The following CHSY3 variants were observed in gnomAD, a reference collection of about 807,000 sequenced individuals.
CHSY3 encodes the protein N-acetylgalactosaminyl-proteoglycan 3-beta-glucuronosyltransferase 3.
A neutral mutation model predicts 67.2 loss-of-function variants in CHSY3; 35 were observed. The observed-to-expected ratio is 0.52, with a 90% confidence interval of 0.40 to 0.69. The LOEUF (loss-of-function observed/expected upper bound fraction) is 0.69. Among genes scored for constraint, CHSY3 ranks in the 30% least tolerant of loss-of-function variants. The pLI is 0.00. For synonymous variants in CHSY3, 474 were observed against 434.7 expected, an observed-to-expected ratio of 1.09 and a Z score of -1.12; for missense variants, 1,069 against 1,138.5, an observed-to-expected ratio of 0.94 and a Z score of 0.88.
rs999081268 is a variant in CHSY3 at position 130,184,246 on chromosome 5, T to C, written c.1104T>C (p.His368=). Reference sequence around the variant, plus strand: ...CTTTTCAGATGCAACAACTGTTCCATGAAAATTATGAACACAATCGGAAGG... The same window carrying C: ...CTTTTCAGATGCAACAACTGTTCCACGAAAATTATGAACACAATCGGAAGG... ...VWSYEMQQLF[H]ENYEHNRKGY... Residue 368 remains histidine (H), a synonymous_variant, in exon 3 of 3, where the codon CAT becomes CAC. Transcript: ENST00000305031. 2 of 1,543,388 alleles carry C rather than the reference T, an allele frequency of 1.3e-6. No homozygotes were observed. The highest frequency in any genetic ancestry group is 1.7e-6 in the Non-Finnish European group (2 of 1,143,428).
rs569778990 is a variant in CHSY3 at position 130,099,668 on chromosome 5, TA to T, written c.1087-84560del. Among the ~76,000 whole-genome samples, 8 of 152,356 alleles carry T rather than the reference TA, an allele frequency of 5.3e-5. No homozygotes were observed. In the East Asian group the frequency reaches 1.5e-3, roughly 29 times the overall value. ...TTTTGCACTGGTGTGAGGAGCTATC[TA>T]CTCTTATAATTGCATTTGTGAATAC... On this transcript the variant is annotated intron_variant, in intron 2 of 2. Transcript: ENST00000305031.
At chr5:130,092,507 C>T (rs1333320321) in intron 2 of CHSY3, among the ~76,000 whole-genome samples, 1 of 152,062 alleles carries the variant, frequency 6.6e-6, no homozygotes, top group Non-Finnish European at 1.5e-5. Context: ...TTCCACTAAC[C>T]CTAAAATTAA....
intron 2 of CHSY3, among the ~76,000 whole-genome samples, chr5:130,071,559 G>GTT (rs1766069757): frequency 1.3e-5 from 2 of 151,720 alleles, no homozygotes; most frequent in Admixed American, 1.3e-4. Flanking sequence ...GTGTGTGTGT[G>GTT]TGTGTGTGTG....
At chr5:130,061,991 T>C (rs1398250047) in intron 2 of CHSY3, among the ~76,000 whole-genome samples, 1 of 151,814 alleles carries the variant, frequency 6.6e-6, no homozygotes. Context: ...GAAAACAATA[T>C]GAAGATTTAT....
At chr5:129,927,811 T>A (rs1424399030) in intron 2 of CHSY3, among the ~76,000 whole-genome samples, 4 of 152,194 alleles carry the variant, frequency 2.6e-5, no homozygotes, top group African/African-American at 9.6e-5. Context: ...AACATTTTTT[T>A]AAAGGATTGG....
chr5:130,093,879 A>T (rs1249849957), intron 2 of CHSY3, among the ~76,000 whole-genome samples: 1 of 151,972 alleles, frequency 6.6e-6, no homozygotes, highest in Non-Finnish European at 1.5e-5. Context: ...ACAGATTTTA[A>T]TTTTTTTCTG....
At chr5:130,051,917 G>T (rs1765370111) in intron 2 of CHSY3, among the ~76,000 whole-genome samples, 1 of 147,478 alleles carries the variant, frequency 6.8e-6, no homozygotes, top group South Asian at 2.2e-4. Flanking sequence ...AATTGGGAAT[G>T]ACAACTGTGT....
At chr5:130,016,960 G>C (rs1207514120) in intron 2 of CHSY3, among the ~76,000 whole-genome samples, 1 of 152,060 alleles carries the variant, frequency 6.6e-6, no homozygotes, top group African/African-American at 2.4e-5. Flanking sequence ...GTCTTGATAG[G>C]GGTATGGTAT....
chr5:129,972,221 A>C (rs1047548422), intron 2 of CHSY3, among the ~76,000 whole-genome samples: 2 of 152,052 alleles, frequency 1.3e-5, no homozygotes, highest in Non-Finnish European at 1.5e-5. Context: ...CCCAAGTTTA[A>C]GAACATTACA....
At chr5:129,910,030 A>T (rs1172850394) in intron 2 of CHSY3, among the ~76,000 whole-genome samples, 1 of 152,000 alleles carries the variant, frequency 6.6e-6, no homozygotes, top group Non-Finnish European at 1.5e-5. Context: ...CCATTCATTC[A>T]TGTTCAAGAC....
At chr5:130,029,692 G>T (rs1283735680) in intron 2 of CHSY3, among the ~76,000 whole-genome samples, 1 of 151,862 alleles carries the variant, frequency 6.6e-6, no homozygotes, top group African/African-American at 2.4e-5. Context: ...ATAAAACTTT[G>T]TGAGGTTTTC....
In CHSY3 at chr5:130,184,780, A is replaced by G. The variant is rs2149739093; in HGVS notation, c.1638A>G (p.Lys546=). ...TTTTGGATTTACTCCTTTTATACAA[A>G]AGACACAAGGGAAGGAAACTGACTG... ...EYILDLLLLY[K]RHKGRKLTVP... The change falls in exon 3 of 3, where the codon AAA becomes AAG. Residue 546 remains lysine, a synonymous_variant. Transcript: ENST00000305031. 1 of 1,605,064 alleles carries G rather than the reference A, an allele frequency of 6.2e-7. No individual in the cohort carries two copies. The highest frequency in any genetic ancestry group is 2.2e-5 in the East Asian group (1 of 44,844).
At chr5:130,169,445 G>C (rs1400390440) in intron 2 of CHSY3, among the ~76,000 whole-genome samples, 2 of 151,980 alleles carry the variant, frequency 1.3e-5, no homozygotes, top group Non-Finnish European at 2.9e-5. Context: ...AAATTTCCCT[G>C]AAGATTACTA....
intron 2 of CHSY3, among the ~76,000 whole-genome samples, chr5:129,993,163 T>C (rs1471557733): frequency 3.9e-5 from 6 of 152,182 alleles, no homozygotes; most frequent in African/African-American, 7.2e-5. Flanking sequence ...CTCAAGTTTA[T>C]ATGGCAAATT....
chr5:129,923,003 C>T (rs73785811), intron 2 of CHSY3, among the ~76,000 whole-genome samples: 4,115 of 152,264 alleles, frequency 0.027, 193 homozygotes, highest in African/African-American at 0.093. Context: ...GATCAGATTA[C>T]CTCTTGATGG....
chr5:130,046,937 T>C lies in CHSY3; in HGVS notation c.1087-137292T>C, dbSNP rs75461946. On this transcript the variant is annotated intron_variant, in intron 2 of 2. Coordinates refer to ENST00000305031, the MANE Select transcript of CHSY3 (RefSeq NM_175856.5). The stretch of plus-strand genomic sequence containing the variant: ...TTAACACATTAAATATAACTTTTCT[T>C]AATATAAATTGTTAAAATAAATTAA... 7.3e-3 allele frequency among the ~76,000 whole-genome samples: 1,111 copies of C among 151,938 alleles called. 12 individuals carry two copies. The highest frequency in any genetic ancestry group is 0.025 in the African/African-American group (1,053 of 41,536).
chr5:130,017,961 C>T lies in CHSY3; in HGVS notation c.1086+109601C>T, dbSNP rs73243513. Among the ~76,000 whole-genome samples the T allele has an allele frequency of 9.2e-3, 1,397 of 152,192 alleles. 18 individuals carry two copies. Among genetic ancestry groups the T allele is most frequent in the African/African-American group, 0.031 (1,299 of 41,538 alleles). ...CTTTTGAGAGAATGAGGTTAACAGA[C>T]GCGTAATTCCTTTGTAGTAACTGTT... is the stretch of plus-strand genomic sequence containing the variant. On this transcript the variant is annotated intron_variant, in intron 2 of 2. Coordinates refer to ENST00000305031, the MANE Select transcript of CHSY3 (RefSeq NM_175856.5).
chr5:130,157,281 A>G (rs530452523), intron 2 of CHSY3, among the ~76,000 whole-genome samples: 2 of 152,342 alleles, frequency 1.3e-5, no homozygotes, highest in East Asian at 3.9e-4. Flanking sequence ...TGGTGCTCAG[A>G]TACTCAGGCC....
chr5:130,021,385 A>C (rs1454768486), intron 2 of CHSY3, among the ~76,000 whole-genome samples: 2 of 152,160 alleles, frequency 1.3e-5, no homozygotes, highest in Non-Finnish European at 2.9e-5. Context: ...ATTTTCATTT[A>C]TAATGGAATT....
Sources: gnomAD v4.1 joint callset for allele counts (sites outside exome capture counted in the v4.1 genomes callset) on GRCh38, gnomAD v4.1.1 for gene constraint, MANE v1.5 for transcripts, NCBI Gene and HGNC (gene_info 2026-07-23, HGNC 2026-07-21) for gene names.